PLCB1: variants seen among roughly 807,000 people sequenced by gnomAD.
The protein encoded by PLCB1 is phospholipase C beta 1.
In PLCB1, 46 loss-of-function variants were observed where a neutral mutation model predicts 161.8. The observed-to-expected ratio is 0.28, with a 90% CI of 0.22 to 0.36. The LOEUF (loss-of-function observed/expected upper bound fraction) is 0.36. Among genes scored for constraint, PLCB1 ranks in the 10% least tolerant of loss-of-function variants. The pLI, the probability that PLCB1 is intolerant of heterozygous loss-of-function variation, is 1.00. For synonymous variants in PLCB1, 517 were observed against 503.7 expected, an observed-to-expected ratio of 1.03 and a Z score of -0.35; for missense variants, 1,016 against 1,472.5, an observed-to-expected ratio of 0.69 and a Z score of 5.07.
chr20:8,801,114 A>G (rs1285654056), intron 31 of PLCB1, among the ~76,000 whole-genome samples: 3 of 152,038 alleles, frequency 2.0e-5, no homozygotes, highest in East Asian at 3.9e-4. Context: ...CTTTTGCTGC[A>G]TTTTTTCTTC....
intron 2 of PLCB1, among the ~76,000 whole-genome samples, chr20:8,194,280 G>A (rs2052000662): frequency 6.6e-6 from 1 of 151,962 alleles, no homozygotes; most frequent in Non-Finnish European, 1.5e-5. Context: ...GTTCCACTTT[G>A]GGTTGATATA....
At chr20:8,291,139 T>G (rs1207423371) in intron 2 of PLCB1, among the ~76,000 whole-genome samples, 1 of 152,114 alleles carries the variant, frequency 6.6e-6, no homozygotes, top group Non-Finnish European at 1.5e-5. Context: ...GCTTAAGATT[T>G]AATCTTGAAA....
intron 3 of PLCB1, among the ~76,000 whole-genome samples, chr20:8,521,036 T>C (rs1452388261): frequency 6.6e-6 from 1 of 152,150 alleles, no homozygotes; most frequent in East Asian, 1.9e-4. Context: ...CAATAGCAGA[T>C]ATATCTAAGC....
intron 3 of PLCB1, among the ~76,000 whole-genome samples, chr20:8,492,472 G>C (rs962867352): frequency 1.3e-5 from 2 of 151,788 alleles, no homozygotes; most frequent in African/African-American, 2.4e-5. Flanking sequence ...CTTTTTCTCT[G>C]TGTGTGTGTG....
At chr20:8,507,415 G>T (rs990608893) in intron 3 of PLCB1, among the ~76,000 whole-genome samples, 2 of 152,162 alleles carry the variant, frequency 1.3e-5, no homozygotes, top group Non-Finnish European at 2.9e-5. Context: ...GTCACCCTAG[G>T]TAGAAATTTG....
chr20:8,731,866 T>C (rs1179680888), intron 18 of PLCB1, among the ~76,000 whole-genome samples: 1 of 143,044 alleles, frequency 7.0e-6, no homozygotes, highest in East Asian at 2.2e-4. Context: ...GTTATGTTTA[T>C]AAAATAATAG....
intron 3 of PLCB1, among the ~76,000 whole-genome samples, chr20:8,464,332 C>A (rs971229374): frequency 6.6e-6 from 1 of 152,178 alleles, no homozygotes; most frequent in Non-Finnish European, 1.5e-5. Flanking sequence ...AATCAGTTCT[C>A]TAGCATTTAT....
At chr20:8,409,891 C>A (rs1978966328) in intron 3 of PLCB1, among the ~76,000 whole-genome samples, 1 of 152,148 alleles carries the variant, frequency 6.6e-6, no homozygotes, top group Non-Finnish European at 1.5e-5. Context: ...AAAGAAGATG[C>A]TGGGGGATGA....
rs148231083 is a variant in PLCB1, at chr20:8,165,603, C to G, written c.177+15232C>G. The stretch of plus-strand genomic sequence containing the variant: ...GAAGGCCTTGAATTCGGGGACTTTA[C>G]CTCATTTGTTTGGCATTTTGAATAC... On this transcript the variant is annotated intron_variant, in intron 2 of 31. Coordinates refer to ENST00000338037, the MANE Select transcript of PLCB1 (RefSeq NM_015192.4). Among the ~76,000 whole-genome samples, 193 of 152,290 alleles carry G rather than the reference C, an allele frequency of 1.3e-3. 1 individual carries two copies. The highest frequency in any genetic ancestry group is 4.5e-3 in the African/African-American group (186 of 41,558).
At chr20:8,733,827 A>G (rs2123502829) in intron 19 of PLCB1, among the ~76,000 whole-genome samples, 1 of 139,896 alleles carries the variant, frequency 7.1e-6, no homozygotes, top group South Asian at 2.3e-4. Context: ...AATAATAATA[A>G]AAGTTTTGGT....
chr20:8,409,515 T>A (rs1226835979), intron 3 of PLCB1, among the ~76,000 whole-genome samples: 6 of 151,918 alleles, frequency 3.9e-5, no homozygotes, highest in African/African-American at 1.4e-4. Context: ...CAGGCTGAAG[T>A]GCAATGGCAT....
chr20:8,465,775 T>A (rs1981792817), intron 3 of PLCB1, among the ~76,000 whole-genome samples: 1 of 151,306 alleles, frequency 6.6e-6, no homozygotes, highest in Admixed American at 6.6e-5. Context: ...CACAATGAGA[T>A]ACCATCTCAC....
At chr20:8,669,760 G>C (rs1989899731) in intron 9 of PLCB1, among the ~76,000 whole-genome samples, 1 of 152,180 alleles carries the variant, frequency 6.6e-6, no homozygotes, top group South Asian at 2.1e-4. Context: ...AGAGACAAGA[G>C]GCACTTAGGG....
At chr20:8,358,699 C>T (rs996609661) in intron 2 of PLCB1, among the ~76,000 whole-genome samples, 1 of 152,154 alleles carries the variant, frequency 6.6e-6, no homozygotes, top group Non-Finnish European at 1.5e-5. Context: ...TTATTTTTTG[C>T]ATTATCCCAA....
intron 3 of PLCB1, among the ~76,000 whole-genome samples, chr20:8,506,211 A>G (rs1983632013): frequency 6.6e-6 from 1 of 152,214 alleles, no homozygotes. Context: ...AAAACAAACT[A>G]TTTGCCTATT....
At chr20:8,382,843 G>A (rs569421820) in intron 3 of PLCB1, among the ~76,000 whole-genome samples, 11 of 152,036 alleles carry the variant, frequency 7.2e-5, no homozygotes, top group African/African-American at 2.7e-4. Context: ...CACCACACCT[G>A]GCCTTGAGTG....
chr20:8,638,052 T>C (rs1025136355), intron 4 of PLCB1, among the ~76,000 whole-genome samples: 1 of 152,076 alleles, frequency 6.6e-6, no homozygotes, highest in African/African-American at 2.4e-5. Context: ...CCCGCCACCA[T>C]GCCCGGCTAA....
At chr20:8,710,743 ACCT>A (rs1384702566) in intron 12 of PLCB1, among the ~76,000 whole-genome samples, 2 of 151,818 alleles carry the variant, frequency 1.3e-5, no homozygotes, top group African/African-American at 4.8e-5. Flanking sequence ...CGAACTCCCG[ACCT>A]CAGGTGATCC....
chr20:8,532,954 C>T (rs1984875725), intron 3 of PLCB1, among the ~76,000 whole-genome samples: 1 of 151,694 alleles, frequency 6.6e-6, no homozygotes, highest in Non-Finnish European at 1.5e-5. Context: ...TGCTGGTGTG[C>T]TGCACCCATT....
Sources: gnomAD v4.1 joint callset for allele counts (sites outside exome capture counted in the v4.1 genomes callset) on GRCh38, gnomAD v4.1.1 for gene constraint, MANE v1.5 for transcripts, NCBI Gene and HGNC (gene_info 2026-07-23, HGNC 2026-07-21) for gene names.